TNRC18: variants seen among roughly 807,000 people sequenced by gnomAD.
TNRC18 encodes trinucleotide repeat-containing gene 18 protein.
TNRC18 carries 69 observed loss-of-function variants against 226.7 expected under a neutral mutation model. The observed-to-expected ratio is 0.30, with a 90% confidence interval of 0.25 to 0.37. The LOEUF is 0.37. TNRC18 is among the 10% of genes least tolerant of loss of function. The pLI is 1.00. For synonymous variants in TNRC18, 2,449 were observed against 1,927.6 expected (o/e 1.27, Z -7.09); for missense variants, 4,754 against 4,256.6 (o/e 1.12, Z -3.25).
At position 5,377,000 on chromosome 7, in the gene TNRC18, G is replaced by C; in HGVS notation, c.2462-7C>G. 1 of 1,572,696 alleles carries C rather than the reference G, an allele frequency of 6.4e-7. No individual in the cohort carries two copies. The highest frequency in any genetic ancestry group is 8.6e-7 in the Non-Finnish European group (1 of 1,159,576). ...AGAGATGGGGGACCCAAGCCTAGGA[G>C]GAGAAGCCCAGGCCTGAGTCAGTGC... is the stretch of plus-strand genomic sequence containing the variant. On this transcript the variant is annotated splice_region_variant and splice_polypyrimidine_tract_variant and intron_variant, in intron 7 of 29. Transcript: ENST00000430969.
chr7:5,386,172 C>T (rs900713784), intron 5 of TNRC18, among the ~76,000 whole-genome samples: 27 of 151,396 alleles, frequency 1.8e-4, no homozygotes, highest in African/African-American at 6.6e-4. Flanking sequence ...CCTGTAGTCC[C>T]AGCTACTCGG....
At chr7:5,357,333 T>G in intron 15 of TNRC18, 57 bp from the exon 16 acceptor site, 2 of 1,524,150 alleles carry the variant, frequency 1.3e-6, no homozygotes, top group South Asian at 2.5e-5. Context: ...TATAGTGGGT[T>G]TCAGTGCACA....
intron 10 of TNRC18, among the ~76,000 whole-genome samples, chr7:5,372,110 C>G (rs1452535432): frequency 1.3e-5 from 2 of 151,688 alleles, no homozygotes; most frequent in Non-Finnish European, 2.9e-5. Context: ...CTCTGTCACC[C>G]AGACTGGAGT....
At chr7:5,372,858 C>A (rs766175173) in intron 10 of TNRC18, among the ~76,000 whole-genome samples, 1 of 151,920 alleles carries the variant, frequency 6.6e-6, no homozygotes, top group South Asian at 2.1e-4. Context: ...CACATCTGTA[C>A]AAATATAAAA....
intron 11 of TNRC18, among the ~76,000 whole-genome samples, chr7:5,365,038 C>T (rs1045407879): frequency 2.0e-5 from 3 of 146,508 alleles, no homozygotes; most frequent in African/African-American, 5.0e-5. Flanking sequence ...GGGGCGGGGG[C>T]GGAAGGGCAG....
chr7:5,407,589 T>C (rs1406187305), intron 2 of TNRC18, among the ~76,000 whole-genome samples: 1 of 152,170 alleles, frequency 6.6e-6, no homozygotes, highest in African/African-American at 2.4e-5. Context: ...CATCCTCAAA[T>C]ATGGGCAGGG....
chr7:5,313,462 C>T lies in TNRC18; in HGVS notation c.7429G>A (p.Ala2477Thr). Residue 2477 changes from alanine (A) to threonine (T), a missense_variant, in exon 27 of 30, where the codon GCT (alanine) becomes ACT (threonine). Coordinates refer to ENST00000430969, the MANE Select transcript of TNRC18 (RefSeq NM_001080495.3). ...EGVTSPKSKK[A>T]KEALLLREDP... Reference sequence around the variant, plus strand: ...TCCCGGAGCAGCAGGGCCTCTTTAGCCTTCTTGCTTTTGGGTGACGTGACA... The same window carrying T: ...TCCCGGAGCAGCAGGGCCTCTTTAGTCTTCTTGCTTTTGGGTGACGTGACA... 1 of 1,613,006 alleles carries T rather than the reference C, an allele frequency of 6.2e-7. No individual in the cohort carries two copies. Among genetic ancestry groups the T allele is most frequent in the Non-Finnish European group, 8.5e-7 (1 of 1,179,494 alleles).
chr7:5,332,552 G>A, intron 19 of TNRC18, 70 bp downstream of exon 19: 1 of 1,446,100 alleles, frequency 6.9e-7, no homozygotes, highest in South Asian at 1.4e-5. Flanking sequence ...AGGCTGGGAG[G>A]GGAGAGGGCC....
chr7:5,376,828 A>G lies in TNRC18; in HGVS notation c.2608+19T>C, dbSNP rs763255178. On this transcript the variant is annotated intron_variant, in intron 8 of 29. Transcript: ENST00000430969. ...ATGGCCAGTCTGGCCCATGGTGGCC[A>G]CATAGAAGGTCCACTTACCAAAGTG... 1 of 1,606,602 alleles carries G rather than the reference A, an allele frequency of 6.2e-7. No individual in the cohort carries two copies. Among genetic ancestry groups the G allele is most frequent in the African/African-American group, 1.3e-5 (1 of 74,788 alleles).
At chr7:5,360,982 G>C (rs951866239) in intron 14 of TNRC18, among the ~76,000 whole-genome samples, 1 of 152,054 alleles carries the variant, frequency 6.6e-6, no homozygotes, top group Non-Finnish European at 1.5e-5. Flanking sequence ...TTTCCTTGAC[G>C]GGCCCCTTTC....
chr7:5,376,399 C>T (rs1228943338), intron 8 of TNRC18, among the ~76,000 whole-genome samples, 175 bp from the exon 9 acceptor site: 1 of 152,202 alleles, frequency 6.6e-6, no homozygotes, highest in Non-Finnish European at 1.5e-5. Flanking sequence ...CCTCCATGGG[C>T]CACGTGTGCA....
chr7:5,405,516 C>T (rs554865652), intron 2 of TNRC18, among the ~76,000 whole-genome samples: 1 of 152,264 alleles, frequency 6.6e-6, no homozygotes, highest in Non-Finnish European at 1.5e-5. Flanking sequence ...TTGCAGTGAG[C>T]CGAGATTGTG....
chr7:5,371,326 G>A lies in TNRC18; in HGVS notation c.3268C>T (p.His1090Tyr). ...AGGAAAGGGTAGGGCCTCCCGTAGTGCGGTGGCAGGGCTTGGAACGGGTAC... is the reference window on the plus strand; with the variant it reads ...AGGAAAGGGTAGGGCCTCCCGTAGTACGGTGGCAGGGCTTGGAACGGGTAC... ...PRYPFQALPP[H>Y]YGRPYPFLLQ... Residue 1090 changes from histidine (H) to tyrosine (Y), a missense_variant, in exon 11 of 30, where the codon CAC becomes TAC. Transcript: ENST00000430969. 1 of 1,532,444 alleles carries A rather than the reference G, an allele frequency of 6.5e-7. No homozygotes were observed. Among genetic ancestry groups the A allele is most frequent in the Non-Finnish European group, 8.7e-7 (1 of 1,144,662 alleles). 94.9% of individuals were successfully genotyped at this position (1,532,444 alleles called of 1,614,324 possible).
rs1345758286 is a variant in TNRC18 at position 5,313,979 on chromosome 7, T to C, written c.7028-116A>G. ...TTTGTTTTTGTTTTTGTTTTTTTTT[T>C]GAGATGGGGTCTCAGTCACCCAAGC... On this transcript the variant is annotated intron_variant, in intron 26 of 29. Transcript: ENST00000430969. The C allele has an allele frequency of 2.8e-6, 3 of 1,057,036 alleles. No individual in the cohort carries two copies. The Admixed American group carries it at 1.1e-4, about 39-fold the overall frequency. The allele number at this position is 1,057,036 out of a possible 1,614,324, so 65.5% of individuals were successfully genotyped here. A position where few individuals can be genotyped will look rare whatever the true frequency, so the allele number is the denominator to read the frequency against.
intron 2 of TNRC18, among the ~76,000 whole-genome samples, chr7:5,409,986 G>A (rs1253446399): frequency 9.6e-5 from 14 of 146,346 alleles, no homozygotes; most frequent in Admixed American, 2.1e-4. Context: ...GCAAGACTAC[G>A]TCTCAAAAAA....
chr7:5,374,208 TGGCGGGG>T lies in TNRC18; in HGVS notation c.3069_3075del (p.Tyr1023Ter). The T allele has an allele frequency of 1.5e-6, 1 of 675,312 alleles. No homozygotes were observed. Among genetic ancestry groups the T allele is most frequent in the Non-Finnish European group, 1.8e-6 (1 of 570,772 alleles). The allele number at this position is 675,312 out of a possible 1,614,324, so 41.8% of individuals were successfully genotyped here. On this transcript the variant is annotated frameshift_variant, in exon 10 of 30. Coordinates refer to ENST00000430969, the MANE Select transcript of TNRC18 (RefSeq NM_001080495.3). LOFTEE classifies it high-confidence loss of function. ...GGGCTGGTGGGGTGGGAGCTGGGGGTGGCGGGGTAGGCGTAGGCGGGTGGCTTGGACA... is the reference window on the plus strand; with the variant it reads ...GGGCTGGTGGGGTGGGAGCTGGGGGTTAGGCGTAGGCGGGTGGCTTGGACA...
intron 19 of TNRC18, among the ~76,000 whole-genome samples, chr7:5,327,301 G>C (rs1789011299): frequency 6.6e-6 from 1 of 152,094 alleles, no homozygotes; most frequent in Admixed American, 6.6e-5. Context: ...AAAATGGTAT[G>C]TTCTAGGGAA....
intron 25 of TNRC18, among the ~76,000 whole-genome samples, chr7:5,315,383 G>A (rs1787748117): frequency 6.6e-6 from 1 of 151,892 alleles, no homozygotes; most frequent in Non-Finnish European, 1.5e-5. Context: ...TGTGGAACCG[G>A]GACAGGTGGA....
In TNRC18 at chr7:5,388,482, G is replaced by T. The variant is rs1420291541; in HGVS notation, c.1342C>A (p.Arg448=). The change falls in exon 5 of 30, where the codon CGG becomes AGG. Residue 448 remains arginine, a synonymous_variant. Coordinates refer to ENST00000430969, the MANE Select transcript of TNRC18 (RefSeq NM_001080495.3). ...GGGTCCGGGGAGGCGCGTGTGGCCC[G>T]CACCGTGGGGGCATCCGCGGGGGGC... The part of the protein sequence containing the change: ...RPPPADAPTV[R]ATRASPDPRA... 7 of 1,382,996 alleles carry T rather than the reference G, an allele frequency of 5.1e-6. No individual in the cohort carries two copies. The African/African-American group carries it at 7.8e-5, about 15-fold the overall frequency. The allele number at this position is 1,382,996 out of a possible 1,614,324, so 85.7% of individuals were successfully genotyped here. A position where few individuals can be genotyped will look rare whatever the true frequency, so the allele number is the denominator to read the frequency against.
Sources: gnomAD v4.1 joint callset for allele counts (sites outside exome capture counted in the v4.1 genomes callset) on GRCh38, gnomAD v4.1.1 for gene constraint, MANE v1.5 for transcripts, NCBI Gene and HGNC (gene_info 2026-07-23, HGNC 2026-07-21) for gene names.